The following PAQR5 variants were observed in gnomAD, a reference collection of about 807,000 sequenced individuals.
PAQR5 encodes membrane progestin receptor gamma.
PAQR5 carries 20 observed loss-of-function variants against 34.5 expected under a neutral mutation model. The ratio of observed to expected loss-of-function variants is 0.58; its 90% CI spans 0.41 to 0.84. PAQR5 has a LOEUF of 0.84. Ranked by LOEUF, PAQR5 falls within the 40% of genes least tolerant of loss-of-function variation. The probability of loss-of-function intolerance (pLI) is 0.00; values close to 1 mark genes in which losing one functional copy is unlikely to be tolerated. For synonymous variants in PAQR5, 131 were observed against 155.6 expected (o/e 0.84, Z 1.18); for missense variants, 378 against 412.7 (o/e 0.92, Z 0.73).
chr15:69,351,816 G>A (rs939327468), intron 2 of PAQR5, among the ~76,000 whole-genome samples: 1 of 152,184 alleles, frequency 6.6e-6, no homozygotes, highest in African/African-American at 2.4e-5. Flanking sequence ...TGTGGGTGGG[G>A]TATCTTGAGA....
At chr15:69,403,433 A>ATT (rs1385035842) in intron 8 of PAQR5, 148 bp from the exon 9 acceptor site, 1 of 720,402 alleles carries the variant, frequency 1.4e-6, no homozygotes, top group African/African-American at 1.8e-5. Flanking sequence ...GTCTTTATGG[A>ATT]TTTGCATATT....
At position 69,300,915 on chromosome 15, in the gene PAQR5, T is replaced by C. The variant is rs56231038; in HGVS notation, c.-277+1859T>C. ...TTTCTTCCTTCCTTCCTTCCTTCCT[T>C]TCTCTCTCTCTCTCTCTCTCTCTCT... is the stretch of plus-strand genomic sequence containing the variant. On this transcript the variant is annotated intron_variant, in intron 1 of 8. Coordinates refer to ENST00000395407, the MANE Select transcript of PAQR5 (RefSeq NM_017705.4). Among the ~76,000 whole-genome samples, 49 of 10,994 alleles carry C rather than the reference T, an allele frequency of 4.5e-3. 9 individuals carry two copies. The highest frequency in any genetic ancestry group is 0.015 in the South Asian group (2 of 130). 7.2% of individuals were successfully genotyped at this position (10,994 alleles called of 152,430 possible).
chr15:69,387,867 C>T (rs190205594), intron 5 of PAQR5, among the ~76,000 whole-genome samples: 1 of 151,570 alleles, frequency 6.6e-6, no homozygotes, highest in African/African-American at 2.4e-5. Context: ...GCCTCAGGGG[C>T]CCCTGCCCTG....
At chr15:69,377,658 G>A (rs1016693735) in intron 3 of PAQR5, among the ~76,000 whole-genome samples, 1 of 152,170 alleles carries the variant, frequency 6.6e-6, no homozygotes, top group African/African-American at 2.4e-5. Context: ...AGCTAGCCAA[G>A]CCCTCTCATT....
chr15:69,393,693 G>A (rs1199542353), intron 6 of PAQR5, among the ~76,000 whole-genome samples: 1 of 152,084 alleles, frequency 6.6e-6, no homozygotes, highest in Non-Finnish European at 1.5e-5. Context: ...AGACCTCCTG[G>A]GGGAGACCAG....
intron 1 of PAQR5, among the ~76,000 whole-genome samples, chr15:69,318,606 C>T (rs1164141693): frequency 6.6e-6 from 1 of 151,950 alleles, no homozygotes; most frequent in African/African-American, 2.4e-5. Context: ...CCTCCTTCTT[C>T]TTGGGGCACC....
chr15:69,355,372 CTTTCTTTCTTTCTTTCTCT>C (rs1567017394), intron 2 of PAQR5, among the ~76,000 whole-genome samples: 1 of 67,590 alleles, frequency 1.5e-5, no homozygotes, highest in East Asian at 4.0e-4. Flanking sequence ...TTCTTTCTTT[CTTTCTTTCTTTCTTTCTCT>C]TTCTTTCCTT....
chr15:69,322,772 GGGAGAAGAAGAAGAC>G (rs2054147494), intron 1 of PAQR5, among the ~76,000 whole-genome samples: 2 of 12,944 alleles, frequency 1.5e-4, no homozygotes, highest in Non-Finnish European at 4.1e-4. Flanking sequence ...AAGAAGAAGA[GGGAGAAGAAGAAGAC>G]GAGGAAGAAG....
intron 1 of PAQR5, among the ~76,000 whole-genome samples, chr15:69,310,286 T>C (rs2053802637): frequency 6.6e-6 from 1 of 152,146 alleles, no homozygotes; most frequent in Non-Finnish European, 1.5e-5. Flanking sequence ...TGGTGGTTCA[T>C]GGGTATGTGC....
chr15:69,365,606 T>G (rs2055382263), intron 3 of PAQR5, among the ~76,000 whole-genome samples: 1 of 152,240 alleles, frequency 6.6e-6, no homozygotes, highest in Non-Finnish European at 1.5e-5. Flanking sequence ...AATATTTTGT[T>G]CAGGATCTTT....
intron 1 of PAQR5, among the ~76,000 whole-genome samples, chr15:69,332,025 G>A (rs754076684): frequency 2.0e-5 from 3 of 152,158 alleles, no homozygotes; most frequent in Non-Finnish European, 4.4e-5. Flanking sequence ...CCCAGAAACC[G>A]GGTATGCCAG....
At chr15:69,381,734 A>G (rs1223856016) in intron 4 of PAQR5, among the ~76,000 whole-genome samples, 1 of 152,224 alleles carries the variant, frequency 6.6e-6, no homozygotes, top group Non-Finnish European at 1.5e-5. Flanking sequence ...AAATGGGACC[A>G]CTGAAAAATT....
At chr15:69,321,328 T>C (rs762157917) in intron 1 of PAQR5, among the ~76,000 whole-genome samples, 12 of 152,266 alleles carry the variant, frequency 7.9e-5, no homozygotes, top group Non-Finnish European at 1.8e-4. Context: ...TTAACTTCCA[T>C]GCTGGCTCCA....
intron 1 of PAQR5, among the ~76,000 whole-genome samples, chr15:69,309,307 G>A (rs2140533899): frequency 6.6e-6 from 1 of 152,344 alleles, no homozygotes; most frequent in East Asian, 1.9e-4. Context: ...GAGGCCCATG[G>A]AAGAGTGCTC....
intron 3 of PAQR5, among the ~76,000 whole-genome samples, chr15:69,377,720 G>C (rs955059512): frequency 6.6e-5 from 7 of 106,416 alleles, no homozygotes; most frequent in Non-Finnish European, 1.5e-4. Flanking sequence ...GCACTTAAAC[G>C]CTTCACTTTT....
intron 2 of PAQR5, among the ~76,000 whole-genome samples, chr15:69,354,958 T>G (rs757780054): frequency 3.4e-4 from 52 of 152,282 alleles, no homozygotes; most frequent in Non-Finnish European, 6.2e-4. Context: ...CTCTAGGACT[T>G]GCACCTCCAC....
intron 1 of PAQR5, among the ~76,000 whole-genome samples, chr15:69,329,192 C>G (rs572677031): frequency 2.0e-5 from 3 of 152,162 alleles, no homozygotes. Context: ...AGCCATAGCC[C>G]TTGTCCCCAG....
chr15:69,310,743 GA>G (rs1355857103), intron 1 of PAQR5, among the ~76,000 whole-genome samples: 1 of 151,734 alleles, frequency 6.6e-6, no homozygotes, highest in African/African-American at 2.4e-5. Flanking sequence ...TGTTTTTTAA[GA>G]ATTATGAGTG....
At chr15:69,341,556 A>T (rs578083200) in intron 2 of PAQR5, among the ~76,000 whole-genome samples, 1 of 152,120 alleles carries the variant, frequency 6.6e-6, no homozygotes, top group Non-Finnish European at 1.5e-5. Context: ...AATATCCTGT[A>T]GTATAGATAT....
Sources: gnomAD v4.1 joint callset for allele counts (sites outside exome capture counted in the v4.1 genomes callset) on GRCh38, gnomAD v4.1.1 for gene constraint, MANE v1.5 for transcripts, NCBI Gene and HGNC (gene_info 2026-07-23, HGNC 2026-07-21) for gene names.